The following PLD1 variants were observed in gnomAD, a reference collection of about 807,000 sequenced individuals.
The protein encoded by PLD1 is choline phosphatase 1.
A neutral mutation model predicts 137.1 loss-of-function variants in PLD1; 112 were observed. The observed-to-expected ratio is 0.82, with a 90% CI of 0.70 to 0.96. PLD1 has a LOEUF of 0.96. PLD1 is among the 40% of genes least tolerant of loss of function. The pLI is 0.00. For missense variants in PLD1, 1,321 were observed against 1,342.0 expected, an observed-to-expected ratio of 0.98 and a Z score of 0.24; for synonymous variants, 431 against 454.7, an observed-to-expected ratio of 0.95 and a Z score of 0.66.
intron 1 of PLD1, among the ~76,000 whole-genome samples, chr3:171,804,384 G>T (rs148503778): frequency 1.3e-5 from 2 of 152,102 alleles, no homozygotes; most frequent in East Asian, 1.9e-4. Flanking sequence ...TAAGTAAAAC[G>T]TTAATTATAA....
chr3:171,642,719 AT>A (rs1735869910), intron 23 of PLD1, 120 bp downstream of exon 23: 2 of 632,124 alleles, frequency 3.2e-6, no homozygotes, highest in Non-Finnish European at 5.5e-6. Context: ...ACAGGTGAAC[AT>A]TTTGTGGGGT....
chr3:171,622,353 T>C (rs1733712429), intron 23 of PLD1, among the ~76,000 whole-genome samples: 1 of 152,186 alleles, frequency 6.6e-6, no homozygotes, highest in Non-Finnish European at 1.5e-5. Context: ...CGAGGGGATA[T>C]TGTTTCTGAA....
chr3:171,767,537 G>C (rs967462576), intron 1 of PLD1, among the ~76,000 whole-genome samples: 2 of 152,182 alleles, frequency 1.3e-5, no homozygotes. Flanking sequence ...GTATTAGGTT[G>C]TATTTTTTTC....
rs1553819289 is a variant in PLD1 at position 171,682,166 on chromosome 3, A to AAGAAAGAAAGAAAGAG, written c.1868-4473_1868-4472insCTCTTTCTTTCTTTCT. 9.8e-4 allele frequency among the ~76,000 whole-genome samples: 29 copies of AAGAAAGAAAGAAAGAG among 29,476 alleles called. 1 individual carries two copies. The highest frequency in any genetic ancestry group is 2.0e-3 in the East Asian group (3 of 1,532). 19.3% of individuals were successfully genotyped at this position (29,476 alleles called of 152,430 possible). ...AAAGAAAGAAAGAAAGAAAGAAAGA[A>AAGAAAGAAAGAAAGAG]AAAGAAAGAAAGAAAGAAAGAAAGG... On this transcript the variant is annotated intron_variant, in intron 16 of 26. Coordinates refer to ENST00000351298, the MANE Select transcript of PLD1 (RefSeq NM_002662.5).
At chr3:171,638,658 C>T (rs932036168) in intron 23 of PLD1, among the ~76,000 whole-genome samples, 31 of 152,226 alleles carry the variant, frequency 2.0e-4, no homozygotes, top group African/African-American at 6.7e-4. Context: ...CTTGTTATTG[C>T]TCTATTTAGA....
chr3:171,709,047 T>C lies in PLD1; in HGVS notation c.1062-209A>G, dbSNP rs547519731. 3.9e-5 allele frequency among the ~76,000 whole-genome samples: 6 copies of C among 152,298 alleles called. No homozygotes were observed. The South Asian group carries it at 1.2e-3, about 32-fold the overall frequency. ...GGGCAGTAAGTGTAAGCAGCCTGAT[T>C]TTTCTCTGCTTAGAGAACAACAAAT... On this transcript the variant is annotated intron_variant, in intron 10 of 26. Transcript: ENST00000351298.
chr3:171,637,075 G>A (rs1375458260), intron 23 of PLD1, among the ~76,000 whole-genome samples: 1 of 152,162 alleles, frequency 6.6e-6, no homozygotes, highest in Admixed American at 6.5e-5. Context: ...GCATTACACT[G>A]ACTGATTTTC....
intron 1 of PLD1, among the ~76,000 whole-genome samples, chr3:171,796,448 T>C (rs1723440951): frequency 6.6e-6 from 1 of 152,222 alleles, no homozygotes; most frequent in Non-Finnish European, 1.5e-5. Context: ...TATTTGCAGA[T>C]GTAACTATTT....
chr3:171,797,781 C>T (rs78540938), intron 1 of PLD1, among the ~76,000 whole-genome samples: 2 of 152,106 alleles, frequency 1.3e-5, no homozygotes, highest in South Asian at 2.1e-4. Context: ...AAATTTCTCA[C>T]TTGTTTATTT....
chr3:171,764,946 GAAAGAAAGAAA>G (rs1560289536), intron 1 of PLD1, among the ~76,000 whole-genome samples: 10 of 22,960 alleles, frequency 4.4e-4, no homozygotes, highest in East Asian at 8.8e-4. Flanking sequence ...AAGAAAGAAA[GAAAGAAAGAAA>G]GAAAGAAAGA....
chr3:171,624,064 C>G (rs2108305852), intron 23 of PLD1, among the ~76,000 whole-genome samples: 1 of 144,024 alleles, frequency 6.9e-6, no homozygotes, highest in African/African-American at 2.6e-5. Context: ...TTGCATGACA[C>G]AAAACACGAC....
chr3:171,694,267 T>C (rs938338875), intron 12 of PLD1, among the ~76,000 whole-genome samples: 2 of 152,148 alleles, frequency 1.3e-5, no homozygotes, highest in Non-Finnish European at 2.9e-5. Context: ...ATATATGTCA[T>C]ACTATTTCTC....
intron 4 of PLD1, among the ~76,000 whole-genome samples, 159 bp downstream of exon 4, chr3:171,735,333 G>T (rs1363427086): frequency 6.6e-6 from 1 of 152,056 alleles, no homozygotes; most frequent in African/African-American, 2.4e-5. Context: ...AGGAGGTCTT[G>T]CTACGTTACA....
At chr3:171,673,438 C>T (rs1398115291) in intron 19 of PLD1, among the ~76,000 whole-genome samples, 4 of 151,974 alleles carry the variant, frequency 2.6e-5, no homozygotes, top group South Asian at 2.1e-4. Flanking sequence ...CACGCTACCA[C>T]GCCCAGCTAA....
Position 171,603,269 on chromosome 3 carries a change from T to G in PLD1, c.3034A>C (p.Asn1012His). ...ATAAAGTCTCTCAGCTGAATTAAAT[T>G]GTGTACTTCATCATTGGGAAGGCAC... is the stretch of plus-strand genomic sequence containing the variant. ...FRCLPNDEVH[N>H]LIQLRDFINK... is the part of the protein sequence containing the mutation. The change falls in exon 27 of 27, where the codon AAT becomes CAT. Residue 1012 changes from asparagine (N) to histidine (H), a missense_variant. By Grantham distance (68) the Asn-to-His change is moderately conservative. Coordinates refer to ENST00000351298, the MANE Select transcript of PLD1 (RefSeq NM_002662.5). 6.2e-7 allele frequency: 1 copy of G among 1,614,018 alleles called. No homozygotes were observed. Among genetic ancestry groups the G allele is most frequent in the South Asian group, 1.1e-5 (1 of 91,088 alleles).
chr3:171,767,696 A>C (rs971761778), intron 1 of PLD1, among the ~76,000 whole-genome samples: 2 of 152,204 alleles, frequency 1.3e-5, no homozygotes, highest in African/African-American at 2.4e-5. Context: ...TAAAATGGAG[A>C]TAATAAAGAA....
At chr3:171,664,486 C>T (rs1484531830) in intron 19 of PLD1, among the ~76,000 whole-genome samples, 23 of 148,142 alleles carry the variant, frequency 1.6e-4, no homozygotes, top group African/African-American at 5.3e-4. Flanking sequence ...GAGACGGAGT[C>T]TTGTTCTGTT....
intron 18 of PLD1, among the ~76,000 whole-genome samples, chr3:171,675,906 C>T (rs1476002788): frequency 6.7e-6 from 1 of 148,788 alleles, no homozygotes; most frequent in Non-Finnish European, 1.5e-5. Context: ...ACAATGGAGT[C>T]CTCTCAGCTC....
chr3:171,605,322 G>C lies in PLD1; in HGVS notation c.2977C>G (p.Arg993Gly). The C allele has an allele frequency of 6.2e-7, 1 of 1,607,584 alleles. No homozygotes were observed. Among genetic ancestry groups the C allele is most frequent in the South Asian group, 1.1e-5 (1 of 90,952 alleles). ...ACCTTGTCATAAATTGTAGCATTTC[G>C]AGCTGCTGTTGAAACCCACACCTCC... ...FKEVWVSTAARNATIYDKVFR... is the reference protein window; with the variant it reads ...FKEVWVSTAAGNATIYDKVFR... The change falls in exon 26 of 27, where the codon CGA (arginine) becomes GGA (glycine). Residue 993 changes from arginine (R) to glycine (G), a missense_variant. By Grantham distance (125) the Arg-to-Gly change is moderately radical (BLOSUM62 -2). Transcript: ENST00000351298.
Sources: gnomAD v4.1 joint callset for allele counts (sites outside exome capture counted in the v4.1 genomes callset) on GRCh38, gnomAD v4.1.1 for gene constraint, MANE v1.5 for transcripts, NCBI Gene and HGNC (gene_info 2026-07-23, HGNC 2026-07-21) for gene names.